Variants in AGTPBP1 observed in about 807,000 individuals in gnomAD.
AGTPBP1 encodes ATP/GTP binding carboxypeptidase 1, also known as cytosolic carboxypeptidase 1.
In AGTPBP1, 70 loss-of-function variants were observed where a neutral mutation model predicts 143.9. The ratio of observed to expected loss-of-function variants is 0.49; its 90% confidence interval spans 0.40 to 0.59. The LOEUF is 0.59. AGTPBP1 is among the 20% of genes least tolerant of loss of function. The pLI is 0.00. For synonymous variants in AGTPBP1, 463 were observed against 500.2 expected (o/e 0.93, Z 0.99); for missense variants, 1,229 against 1,464.5 (o/e 0.84, Z 2.62).
chr9:85,718,227 A>C lies in AGTPBP1; in HGVS notation c.-33-5661T>G, dbSNP rs563243783. Among the ~76,000 whole-genome samples the C allele has an allele frequency of 1.3e-3, 196 of 152,272 alleles. 1 individual carries two copies. The highest frequency in any genetic ancestry group is 4.6e-3 in the African/African-American group (192 of 41,544). ...CACTGGGTTCTAGTTCTAGTTCTAG[A>C]TCCTTGAGGAATTGCCACACTGTCT... On this transcript the variant is annotated intron_variant, in intron 1 of 25. Transcript: ENST00000357081.
chr9:85,775,166 T>A, the AGTPBP1 span, among the ~76,000 whole-genome samples: 1 of 152,082 alleles, frequency 6.6e-6, no homozygotes, highest in Non-Finnish European at 1.5e-5. Flanking sequence ...TAGCCAAGCG[T>A]GGTGGCACGC....
chr9:85,750,775 A>T, the AGTPBP1 span, among the ~76,000 whole-genome samples: 55 of 152,220 alleles, frequency 3.6e-4, no homozygotes, highest in East Asian at 0.011. Context: ...TTGCAGTTTG[A>T]TCTTGCTTCT....
intron 25 of AGTPBP1, among the ~76,000 whole-genome samples, chr9:85,571,436 C>T (rs1827454737): frequency 6.6e-6 from 1 of 152,048 alleles, no homozygotes; most frequent in African/African-American, 2.4e-5. Context: ...TCAAAATAAA[C>T]AATGGCAGTA....
At chr9:85,803,804 T>A in the AGTPBP1 span, among the ~76,000 whole-genome samples, 1 of 152,208 alleles carries the variant, frequency 6.6e-6, no homozygotes, top group Non-Finnish European at 1.5e-5. Context: ...TCTTAAAATG[T>A]CTAAATCTAA....
chr9:85,713,361 T>C (rs558552885), intron 1 of AGTPBP1, among the ~76,000 whole-genome samples: 1 of 152,224 alleles, frequency 6.6e-6, no homozygotes, highest in East Asian at 1.9e-4. Context: ...TGAAACCCCA[T>C]CTCTACTAAA....
intron 17 of AGTPBP1, among the ~76,000 whole-genome samples, chr9:85,611,325 G>C (rs978785426): frequency 5.7e-4 from 85 of 150,428 alleles, no homozygotes; most frequent in African/African-American, 2.0e-3. Context: ...TCTATTAAAA[G>C]ACAAATGATC....
intron 2 of AGTPBP1, among the ~76,000 whole-genome samples, chr9:85,711,985 C>T (rs1373701462): frequency 2.6e-5 from 4 of 152,064 alleles, no homozygotes; most frequent in East Asian, 1.9e-4. Flanking sequence ...AAAAACCGGC[C>T]GGGCATGGAG....
intron 14 of AGTPBP1, among the ~76,000 whole-genome samples, chr9:85,630,785 G>A (rs567064877): frequency 1.9e-4 from 29 of 152,030 alleles, no homozygotes; most frequent in Admixed American, 1.4e-3. Flanking sequence ...CAGGCCCCAG[G>A]ATCTATTTAA....
At chr9:85,742,183 G>T (rs923696645), upstream of AGTPBP1, among the ~76,000 whole-genome samples, 9 of 152,068 alleles carry the variant, frequency 5.9e-5, no homozygotes, top group Non-Finnish European at 1.2e-4. Flanking sequence ...GAGCGCGCAC[G>T]GGAGCGGGAA....
intron 3 of AGTPBP1, among the ~76,000 whole-genome samples, chr9:85,688,096 T>TAAAA (rs58523894): frequency 4.9e-4 from 17 of 34,686 alleles, no homozygotes; most frequent in African/African-American, 1.7e-3. Flanking sequence ...GTCTCAAAAT[T>TAAAA]AAAAAAAAAA....
chr9:85,638,596 T>A (rs921740865), intron 13 of AGTPBP1, among the ~76,000 whole-genome samples: 6 of 152,064 alleles, frequency 3.9e-5, no homozygotes, highest in South Asian at 2.1e-4. Flanking sequence ...ATACGCTGTT[T>A]AAAAAATACA....
At chr9:85,767,348 A>ATTTTTT in the AGTPBP1 span, among the ~76,000 whole-genome samples, 1 of 105,126 alleles carries the variant, frequency 9.5e-6, no homozygotes, top group Non-Finnish European at 2.0e-5. Flanking sequence ...TGCCCAGCTA[A>ATTTTTT]TTTTTTTTTT....
intron 17 of AGTPBP1, among the ~76,000 whole-genome samples, chr9:85,602,286 C>T: frequency 6.6e-6 from 1 of 151,864 alleles, no homozygotes; most frequent in Non-Finnish European, 1.5e-5. Context: ...AGAAATTTAA[C>T]AAAACAGATA....
chr9:85,725,780 T>C (rs1286678283), intron 1 of AGTPBP1, among the ~76,000 whole-genome samples: 1 of 151,952 alleles, frequency 6.6e-6, no homozygotes, highest in Non-Finnish European at 1.5e-5. Flanking sequence ...GCGCAGTGGC[T>C]CACACTTGTA....
intron 11 of AGTPBP1, among the ~76,000 whole-genome samples, chr9:85,649,465 CT>C (rs1466485405): frequency 6.6e-6 from 1 of 152,082 alleles, no homozygotes; most frequent in Non-Finnish European, 1.5e-5. Flanking sequence ...GCGTAAGCCA[CT>C]TTTTTACAAT....
At position 85,700,338 on chromosome 9, in the gene AGTPBP1, T is replaced by C. The variant is rs574477328; in HGVS notation, c.33-7525A>G. On this transcript the variant is annotated intron_variant, in intron 2 of 25. Coordinates refer to ENST00000357081, the MANE Select transcript of AGTPBP1 (RefSeq NM_001330701.2). ...GCAGGAGACTCAACTCATTCAACCA[T>C]CTAGGCTGCCAGAGATATTTTCATG... Among the ~76,000 whole-genome samples the C allele has an allele frequency of 5.4e-4, 82 of 152,084 alleles. 1 individual carries two copies. Among genetic ancestry groups the C allele is most frequent in the Non-Finnish European group, 1.9e-4 (13 of 67,988 alleles).
At chr9:85,684,260 T>C (rs1037916119) in intron 3 of AGTPBP1, among the ~76,000 whole-genome samples, 5 of 152,144 alleles carry the variant, frequency 3.3e-5, no homozygotes, top group Non-Finnish European at 7.4e-5. Flanking sequence ...AACAAAACAT[T>C]TTACTAATAA....
Position 85,584,015 on chromosome 9 carries a change from G to C in AGTPBP1, c.3165+1448C>G, listed in dbSNP as rs1011789075. ...AAGTATGATCCAAGCAGAAACGACTGGGTGAGGCAATGGTGGCAATGATGG... is the reference window on the plus strand; with the variant it reads ...AAGTATGATCCAAGCAGAAACGACTCGGTGAGGCAATGGTGGCAATGATGG... On this transcript the variant is annotated intron_variant, in intron 23 of 25. Transcript: ENST00000357081. 2.0e-5 allele frequency among the ~76,000 whole-genome samples: 3 copies of C among 151,956 alleles called. 1 individual carries two copies. Among genetic ancestry groups the C allele is most frequent in the Non-Finnish European group, 4.4e-5 (3 of 67,964 alleles).
Position 85,710,662 on chromosome 9 carries a change from CAA to C in AGTPBP1, c.32+1838_32+1839del, listed in dbSNP as rs1351498658. Among the ~76,000 whole-genome samples the C allele has an allele frequency of 3.3e-5, 5 of 151,286 alleles. No individual in the cohort carries two copies. The East Asian group carries it at 9.7e-4, about 29-fold the overall frequency. ...AGACGAAGACTATTTGCAGTGATTC[CAA>C]ATTAGTTACCCTACAACAACAACAA... is the stretch of plus-strand genomic sequence containing the variant. On this transcript the variant is annotated intron_variant, in intron 2 of 25. Transcript: ENST00000357081.
Sources: allele counts gnomAD v4.1 joint callset (sites outside exome capture counted in the v4.1 genomes callset), GRCh38; gene constraint gnomAD v4.1.1; transcripts MANE v1.5; gene names NCBI Gene and HGNC (gene_info 2026-07-23, HGNC 2026-07-21).